ADGRL1: variants seen among roughly 807,000 people sequenced by gnomAD.
ADGRL1 encodes the protein adhesion G protein-coupled receptor L1.
Under a neutral mutation model 148.9 loss-of-function variants are expected in ADGRL1, and 31 were observed. That is an observed-to-expected ratio of 0.21 (90% CI 0.16 to 0.28). The LOEUF is 0.28. ADGRL1 is among the 10% of genes least tolerant of loss of function. The pLI is 1.00. For missense variants in ADGRL1, 1,521 were observed against 2,058.8 expected (o/e 0.74, Z 5.05); for synonymous variants, 937 against 900.3 (o/e 1.04, Z -0.73).
intron 3 of ADGRL1, among the ~76,000 whole-genome samples, chr19:14,175,631 CAT>C (rs1970774409): frequency 6.6e-6 from 1 of 152,228 alleles, no homozygotes; most frequent in Non-Finnish European, 1.5e-5. Context: ...CACTCAAAGA[CAT>C]GTTTAGTCAC....
intron 1 of ADGRL1, among the ~76,000 whole-genome samples, chr19:14,195,952 A>C (rs1224346555): frequency 6.6e-6 from 1 of 152,082 alleles, no homozygotes; most frequent in Admixed American, 6.5e-5. Context: ...GGAACCGGAC[A>C]GTCATCCTGG....
chr19:14,194,942 T>C (rs1219444886), intron 1 of ADGRL1, among the ~76,000 whole-genome samples: 2 of 150,766 alleles, frequency 1.3e-5, no homozygotes, highest in East Asian at 3.9e-4. Flanking sequence ...TGGAGTGCAA[T>C]GGTGCACTCT....
At chr19:14,202,562 G>A (rs1437238685) in intron 1 of ADGRL1, among the ~76,000 whole-genome samples, 2 of 152,168 alleles carry the variant, frequency 1.3e-5, no homozygotes, top group Non-Finnish European at 2.9e-5. Context: ...TGATAGGAGA[G>A]CTTTGATGGA....
intron 3 of ADGRL1, among the ~76,000 whole-genome samples, chr19:14,175,505 C>A (rs1027434530): frequency 6.6e-6 from 1 of 151,440 alleles, no homozygotes; most frequent in Non-Finnish European, 1.5e-5. Flanking sequence ...TACACTTAAA[C>A]ACACCCAAAT....
In ADGRL1 at chr19:14,157,119, C is replaced by T. The variant is rs1258376040; in HGVS notation, c.2772G>A (p.Leu924=). The change falls in exon 15 of 23, where the codon CTG becomes CTA. Residue 924 remains leucine, a synonymous_variant. Coordinates refer to ENST00000361434, the MANE Select transcript of ADGRL1 (RefSeq NM_014921.5). The surrounding 1 kb of genome is among the most constrained non-coding windows in gnomAD (Gnocchi z 7.5). The part of the protein sequence containing the change: ...YEIACPIFAG[L]LHYFFLAAFS... Reference sequence around the variant, plus strand: ...AGGCAGCCAGGAAGAAATAGTGCAGCAGGCCGGCGAAGATGGGGCAGGCAA... The same window carrying T: ...AGGCAGCCAGGAAGAAATAGTGCAGTAGGCCGGCGAAGATGGGGCAGGCAA... The T allele has an allele frequency of 1.9e-6, 3 of 1,613,954 alleles. No individual in the cohort carries two copies. The highest frequency in any genetic ancestry group is 2.5e-6 in the Non-Finnish European group (3 of 1,180,014).
chr19:14,204,102 CA>C (rs1179396868), intron 1 of ADGRL1, among the ~76,000 whole-genome samples: 1 of 152,160 alleles, frequency 6.6e-6, no homozygotes. Context: ...GATGATTTTT[CA>C]TCTCTGTAAT....
chr19:14,184,049 C>T (rs1004097910), intron 1 of ADGRL1, among the ~76,000 whole-genome samples: 3 of 152,180 alleles, frequency 2.0e-5, no homozygotes, highest in African/African-American at 7.2e-5. Context: ...CTACTCGCAT[C>T]CTCACCATGA....
At chr19:14,156,315 G>A in intron 16 of ADGRL1, 114 bp from the exon 17 acceptor site, 1 of 831,962 alleles carries the variant, frequency 1.2e-6, no homozygotes, top group South Asian at 1.5e-5. Flanking sequence ...GCCTCTGCTG[G>A]GAGAACCCCG....
chr19:14,151,473 G>A lies in ADGRL1; in HGVS notation c.3810C>T (p.Ala1270=), dbSNP rs149661276. The change falls in exon 23 of 23, where the codon GCC becomes GCT. Residue 1270 remains alanine, a synonymous_variant. Transcript: ENST00000361434. ...TCATCTTCTCAAAGGCCGCCGCATC[G>A]GCTAGGTTCCGGCCTCGGGGCGGCT... ...GPEPPRGRNL[A]DAAAFEKMII... is the part of the protein sequence containing the mutation. 2.1e-4 allele frequency: 346 copies of A among 1,612,560 alleles called. No homozygotes were observed. In the African/African-American group the frequency reaches 2.6e-3, roughly 12 times the overall value.
intron 2 of ADGRL1, among the ~76,000 whole-genome samples, chr19:14,177,969 T>A (rs1052932368): frequency 6.6e-6 from 1 of 152,156 alleles, no homozygotes; most frequent in African/African-American, 2.4e-5. Flanking sequence ...TCCTAGGAAG[T>A]GACGTCTGAG....
At position 14,167,624 on chromosome 19, in the gene ADGRL1, C is replaced by A. The variant is rs1568595809; in HGVS notation, c.394+3058G>T. Among the ~76,000 whole-genome samples the A allele has an allele frequency of 2.6e-5, 4 of 152,244 alleles. No individual in the cohort carries two copies. In the South Asian group the frequency reaches 6.2e-4, roughly 24 times the overall value. ...TTATGCTGGCCTCACCCAGGTCCAG[C>A]TGACTTCCCCCAAGCCCTCACAACC... is the stretch of plus-strand genomic sequence containing the variant. On this transcript the variant is annotated intron_variant, in intron 4 of 22. Coordinates refer to ENST00000361434, the MANE Select transcript of ADGRL1 (RefSeq NM_014921.5).
chr19:14,167,267 C>G (rs990941277), intron 4 of ADGRL1, among the ~76,000 whole-genome samples: 1 of 151,886 alleles, frequency 6.6e-6, no homozygotes, highest in African/African-American at 2.4e-5. Flanking sequence ...GCTGGGGAGA[C>G]AGTCAGAGGG....
intron 1 of ADGRL1, among the ~76,000 whole-genome samples, chr19:14,192,458 C>T (rs913410326): frequency 6.6e-6 from 1 of 152,028 alleles, no homozygotes; most frequent in African/African-American, 2.4e-5. Flanking sequence ...TCAGGCTGGT[C>T]TTGAACTCCC....
At chr19:14,180,706 T>A (rs1411378467) in intron 2 of ADGRL1, among the ~76,000 whole-genome samples, 2 of 151,354 alleles carry the variant, frequency 1.3e-5, no homozygotes, top group Non-Finnish European at 2.9e-5. Flanking sequence ...CATACCACCA[T>A]GCCTGGCTAA....
At chr19:14,173,222 A>G (rs1970599577) in intron 3 of ADGRL1, among the ~76,000 whole-genome samples, 1 of 152,030 alleles carries the variant, frequency 6.6e-6, no homozygotes, top group Admixed American at 6.5e-5. Flanking sequence ...CGACCTCCCA[A>G]AGTGCTGGGA....
rs1429821394 is a variant in ADGRL1, at chr19:14,155,497, C to T, written c.3156G>A (p.Leu1052=). The T allele has an allele frequency of 3.7e-6, 6 of 1,613,754 alleles. No homozygotes were observed. The highest frequency in any genetic ancestry group is 5.1e-6 in the Non-Finnish European group (6 of 1,179,940). ...KSWALGAIAL[L]FLLGLTWAFG... ...AAGCCCAGGTGAGGCCCAGCAGGAA[C>T]AGCAGCGCGATGGCCCCCAGCGCCC... Residue 1052 remains leucine, a synonymous_variant, in exon 18 of 23, where the codon CTG becomes CTA. Coordinates refer to ENST00000361434, the MANE Select transcript of ADGRL1 (RefSeq NM_014921.5). This position sits in a 1 kb window ranked among gnomAD's most constrained non-coding sequence, Gnocchi z 5.0.
intron 1 of ADGRL1, among the ~76,000 whole-genome samples, chr19:14,193,291 A>AAAAAC (rs1568628827): frequency 6.6e-6 from 1 of 151,176 alleles, no homozygotes; most frequent in African/African-American, 2.4e-5. Context: ...AAAAAAAAAA[A>AAAAAC]AACTCAGGCT....
chr19:14,166,474 A>G (rs1969971192), intron 4 of ADGRL1, among the ~76,000 whole-genome samples: 1 of 151,980 alleles, frequency 6.6e-6, no homozygotes, highest in Non-Finnish European at 1.5e-5. Flanking sequence ...CCAAAAGGAA[A>G]ACAATGGTGT....
At chr19:14,168,362 C>T (rs1358945194) in intron 4 of ADGRL1, among the ~76,000 whole-genome samples, 1 of 152,194 alleles carries the variant, frequency 6.6e-6, no homozygotes, top group Non-Finnish European at 1.5e-5. Flanking sequence ...TAACTCCAGC[C>T]TCCTTCCTCT....
Sources: gnomAD v4.1 joint callset for allele counts (sites outside exome capture counted in the v4.1 genomes callset) on GRCh38, gnomAD v4.1.1 for gene constraint, Gnocchi (gnomAD v3.1) non-coding constraint, MANE v1.5 for transcripts, NCBI Gene and HGNC (gene_info 2026-07-23, HGNC 2026-07-21) for gene names.